Variants in HDAC4 observed in about 807,000 individuals in gnomAD.
HDAC4 encodes histone deacetylase 4, also known as histone deacetylase A.
Under a neutral mutation model 135.1 loss-of-function variants are expected in HDAC4, and 16 were observed. The observed-to-expected ratio is 0.12, with a 90% confidence interval of 0.08 to 0.18. The LOEUF (loss-of-function observed/expected upper bound fraction) is 0.18. HDAC4 is among the 10% of genes least tolerant of loss of function. HDAC4 has a pLI of 1.00. For missense variants in HDAC4, 1,143 were observed against 1,511.8 expected, an observed-to-expected ratio of 0.76 and a Z score of 4.05; for synonymous variants, 685 against 653.4, an observed-to-expected ratio of 1.05 and a Z score of -0.74.
chr2:239,191,148 C>A, intron 3 of HDAC4: 1 of 377,838 alleles, frequency 2.6e-6, no homozygotes, highest in Non-Finnish European at 5.4e-6. Context: ...ACTCATGTGA[C>A]CTGGGCCAAG....
Position 239,068,659 on chromosome 2 carries a change from C to G in HDAC4, c.2751-52G>C. The G allele has an allele frequency of 6.7e-7, 1 of 1,484,344 alleles. No homozygotes were observed. Among genetic ancestry groups the G allele is most frequent in the Non-Finnish European group, 9.4e-7 (1 of 1,062,540 alleles). 91.9% of individuals were successfully genotyped at this position (1,484,344 alleles called of 1,614,324 possible). On this transcript the variant is annotated intron_variant, in intron 22 of 26. Coordinates refer to ENST00000543185, the MANE Select transcript of HDAC4 (RefSeq NM_001378414.1). The surrounding 1 kb of genome is among the most constrained non-coding windows in gnomAD (Gnocchi z 4.4). ...TGGGTCAGCTGAAAGAGGGACGGGACGGTCACAAAACCCCAAGGTTCCCTC... is the reference window on the plus strand; with the variant it reads ...TGGGTCAGCTGAAAGAGGGACGGGAGGGTCACAAAACCCCAAGGTTCCCTC...
Position 239,375,759 on chromosome 2 carries a change from C to T in HDAC4, c.-219-22841G>A, listed in dbSNP as rs370932763. Among the ~76,000 whole-genome samples, 405 of 152,328 alleles carry T rather than the reference C, an allele frequency of 2.7e-3. 2 individuals are homozygous for T. The highest frequency in any genetic ancestry group is 1.8e-3 in the Non-Finnish European group (122 of 68,018). The stretch of plus-strand genomic sequence containing the variant: ...AGCACCCACTGCCAGGTGCTCTGGA[C>T]GGGCGTTTCCTCCATGGCCCCCCAG... On this transcript the variant is annotated intron_variant, in intron 1 of 26. Transcript: ENST00000543185.
chr2:239,074,870 T>C (rs1008893531), intron 22 of HDAC4, among the ~76,000 whole-genome samples: 5 of 152,206 alleles, frequency 3.3e-5, no homozygotes, highest in Admixed American at 1.3e-4. Context: ...GTTTAATAGA[T>C]GCTGCAAAAA....
In HDAC4 at chr2:239,240,999, G is replaced by GC. The variant is rs1391963499; in HGVS notation, c.23-4336dup. 3.3e-5 allele frequency among the ~76,000 whole-genome samples: 5 copies of GC among 152,144 alleles called. No individual in the cohort carries two copies. Among genetic ancestry groups the GC allele is most frequent in the African/African-American group, 1.2e-4 (5 of 41,424 alleles). On this transcript the variant is annotated intron_variant, in intron 2 of 26. Transcript: ENST00000543185. The surrounding 1 kb of genome is among the most constrained non-coding windows in gnomAD (Gnocchi z 4.5). ...CCTCACTTTCACCCGGAGGGCCCAG[G>GC]CCCCCCACTTCACACTTGGGGAAAT...
At chr2:239,055,508 G>T (rs2031679420) in intron 24 of HDAC4, among the ~76,000 whole-genome samples, 1 of 152,200 alleles carries the variant, frequency 6.6e-6, no homozygotes, top group South Asian at 2.1e-4. Flanking sequence ...CTTGAGGTCA[G>T]GCGTTCCAGA....
At chr2:239,321,216 G>T (rs571587031) in intron 2 of HDAC4, among the ~76,000 whole-genome samples, 1 of 152,044 alleles carries the variant, frequency 6.6e-6, no homozygotes, top group African/African-American at 2.4e-5. Flanking sequence ...CTGTAATCCC[G>T]GCACTTTGGA....
chr2:239,251,463 C>A (rs1021981278), intron 2 of HDAC4, among the ~76,000 whole-genome samples: 19 of 152,084 alleles, frequency 1.2e-4, no homozygotes, highest in Admixed American at 1.2e-3. Flanking sequence ...GGTGTGGTGG[C>A]GTGTGACTGT....
intron 3 of HDAC4, among the ~76,000 whole-genome samples, chr2:239,207,416 C>G (rs537368091): frequency 1.2e-4 from 19 of 152,104 alleles, no homozygotes; most frequent in Non-Finnish European, 2.4e-4. Context: ...ATTACATACA[C>G]TCATATACAC....
chr2:239,361,467 A>G (rs1004073943), intron 1 of HDAC4, among the ~76,000 whole-genome samples: 2 of 152,246 alleles, frequency 1.3e-5, no homozygotes, highest in African/African-American at 4.8e-5. Context: ...CCAGAGTCAC[A>G]TACAATGCAG....
chr2:239,389,981 G>A (rs1185428671), intron 1 of HDAC4, among the ~76,000 whole-genome samples: 1 of 152,190 alleles, frequency 6.6e-6, no homozygotes, highest in East Asian at 1.9e-4. Flanking sequence ...CCTTCCTGAT[G>A]GGTGTGAACC....
At chr2:239,054,912 C>CTGTT (rs1408487393) in intron 24 of HDAC4, 79 bp from the exon 25 acceptor site, 2 of 979,676 alleles carry the variant, frequency 2.0e-6, no homozygotes, top group African/African-American at 1.6e-5. Context: ...GAGACTGCAA[C>CTGTT]TGTTTCCTGA....
chr2:239,081,685 T>C (rs2035343427), intron 21 of HDAC4, among the ~76,000 whole-genome samples: 1 of 152,208 alleles, frequency 6.6e-6, no homozygotes, highest in Non-Finnish European at 1.5e-5. Context: ...CCTGGGGCGT[T>C]GTCAAGGAGC....
chr2:239,191,327 A>C (rs1268780013), intron 3 of HDAC4, among the ~76,000 whole-genome samples: 1 of 152,176 alleles, frequency 6.6e-6, no homozygotes, highest in Non-Finnish European at 1.5e-5. Context: ...TCACCCTGAC[A>C]CTCAGCCCGT....
rs148464363 is a variant in HDAC4 at position 239,134,420 on chromosome 2, G to T, written c.1119C>A (p.Ala373=). The change falls in exon 11 of 27, where the codon GCC becomes GCA. Residue 373 remains alanine, a synonymous_variant. Transcript: ENST00000543185. ...GGAGGGCGGGAAGGGTGAGTCTCTC[G>T]GCGTCCTGCTGGCCCGCCGTGCCCT... is the stretch of plus-strand genomic sequence containing the variant. ...PSAGTAGQQD[A]ERLTLPALQQ... The T allele has an allele frequency of 6.2e-7, 1 of 1,613,264 alleles. No individual in the cohort carries two copies. Among genetic ancestry groups the T allele is most frequent in the African/African-American group, 1.3e-5 (1 of 75,026 alleles).
At chr2:239,390,260 A>C (rs1414106523) in intron 1 of HDAC4, among the ~76,000 whole-genome samples, 1 of 152,218 alleles carries the variant, frequency 6.6e-6, no homozygotes, top group South Asian at 2.1e-4. Flanking sequence ...AGCCAGGTAC[A>C]GTACCTCACG....
chr2:239,399,557 G>C (rs1195949330), intron 1 of HDAC4, among the ~76,000 whole-genome samples: 1 of 152,190 alleles, frequency 6.6e-6, no homozygotes, highest in Non-Finnish European at 1.5e-5. Context: ...AAAAGAAAAA[G>C]TGAAACCAGG....
intron 3 of HDAC4, among the ~76,000 whole-genome samples, chr2:239,210,408 C>T (rs1243500228): frequency 6.6e-6 from 1 of 152,168 alleles, no homozygotes; most frequent in Non-Finnish European, 1.5e-5. Flanking sequence ...AAATCCAAAC[C>T]GTATGCTGAC....
chr2:239,111,946 T>A (rs2038714752), intron 13 of HDAC4, among the ~76,000 whole-genome samples: 1 of 152,150 alleles, frequency 6.6e-6, no homozygotes, highest in South Asian at 2.1e-4. Flanking sequence ...CAGGACGGTC[T>A]CTCTAGGGAA....
At chr2:239,326,670 T>C (rs762206624) in intron 2 of HDAC4, among the ~76,000 whole-genome samples, 3 of 152,354 alleles carry the variant, frequency 2.0e-5, no homozygotes, top group Admixed American at 6.5e-5. Context: ...TTAACTGATA[T>C]GAAATAATCT....
Sources: allele counts gnomAD v4.1 joint callset (sites outside exome capture counted in the v4.1 genomes callset), GRCh38; gene constraint gnomAD v4.1.1; non-coding constraint Gnocchi (gnomAD v3.1); transcripts MANE v1.5; gene names NCBI Gene and HGNC (gene_info 2026-07-23, HGNC 2026-07-21).